Variants in RPRD1A observed in about 807,000 individuals in gnomAD.
RPRD1A encodes the protein regulation of nuclear pre-mRNA domain-containing protein 1A.
Under a neutral mutation model 37.8 loss-of-function variants are expected in RPRD1A, and 9 were observed. That is an observed-to-expected ratio of 0.24 (90% CI 0.14 to 0.42). The LOEUF is 0.42. Ranked by LOEUF, RPRD1A falls within the 10% of genes least tolerant of loss-of-function variation. The pLI is 1.00. For synonymous variants in RPRD1A, 138 were observed against 139.7 expected (o/e 0.99, Z 0.08); for missense variants, 255 against 371.0 (o/e 0.69, Z 2.57).
chr18:36,025,534 G>C, intron 6 of RPRD1A: 1 of 762,428 alleles, frequency 1.3e-6, no homozygotes, highest in South Asian at 1.6e-5. Context: ...AAGTGAGAAA[G>C]TATAAAGCAG....
intron 1 of RPRD1A, among the ~76,000 whole-genome samples, chr18:36,046,849 A>C (rs954623565): frequency 3.4e-4 from 52 of 150,896 alleles, no homozygotes; most frequent in Admixed American, 2.1e-3. Context: ...AAAAACCTAG[A>C]GTCTCATAAC....
At chr18:36,056,427 A>G (rs979826321) in intron 1 of RPRD1A, among the ~76,000 whole-genome samples, 13 of 152,020 alleles carry the variant, frequency 8.6e-5, no homozygotes, top group Non-Finnish European at 1.8e-4. Flanking sequence ...AGCTGGGATT[A>G]CAGGTGCCTG....
At chr18:36,023,358 G>T (rs761444636) in intron 6 of RPRD1A, among the ~76,000 whole-genome samples, 1 of 152,202 alleles carries the variant, frequency 6.6e-6, no homozygotes, top group South Asian at 2.1e-4. Flanking sequence ...TAGATCTGCT[G>T]CAAATAGCAA....
intron 6 of RPRD1A, among the ~76,000 whole-genome samples, chr18:36,004,572 C>A (rs1909623656): frequency 6.6e-6 from 1 of 152,080 alleles, no homozygotes; most frequent in African/African-American, 2.4e-5. Flanking sequence ...TTTTCGGTAA[C>A]CCACTGCTCC....
chr18:36,043,207 G>GGGGAA (rs1912718138), intron 1 of RPRD1A, among the ~76,000 whole-genome samples: 4 of 108,470 alleles, frequency 3.7e-5, no homozygotes, highest in African/African-American at 1.0e-4. Flanking sequence ...GGGGGGGGGG[G>GGGGAA]AAGAAGGGGA....
chr18:36,059,605 G>A (rs369671736), intron 1 of RPRD1A, among the ~76,000 whole-genome samples: 1 of 152,064 alleles, frequency 6.6e-6, no homozygotes, highest in African/African-American at 2.4e-5. Flanking sequence ...ATTTTTAAGA[G>A]TAAAGAGATC....
chr18:36,002,541 G>A (rs755117117), intron 6 of RPRD1A, among the ~76,000 whole-genome samples: 16 of 151,948 alleles, frequency 1.1e-4, no homozygotes, highest in Non-Finnish European at 5.9e-5. Context: ...TCCCAGTGTC[G>A]GTAATTTTTT....
intron 6 of RPRD1A, chr18:36,025,702 T>C (rs1911319068): frequency 8.1e-7 from 1 of 1,240,030 alleles, no homozygotes; most frequent in Non-Finnish European, 1.0e-6. Context: ...TCAATAGAAG[T>C]TAAAGAAACC....
chr18:35,994,195 A>G (rs988119902), intron 6 of RPRD1A, among the ~76,000 whole-genome samples: 1 of 152,240 alleles, frequency 6.6e-6, no homozygotes, highest in Non-Finnish European at 1.5e-5. Context: ...GTCCATGGCA[A>G]TTCACTATTA....
At chr18:36,049,483 A>T (rs1685662035) in intron 1 of RPRD1A, among the ~76,000 whole-genome samples, 1 of 152,154 alleles carries the variant, frequency 6.6e-6, no homozygotes, top group African/African-American at 2.4e-5. Context: ...TAAGGAAGAA[A>T]ATTCATGTAT....
At chr18:36,042,271 T>C (rs1287253743) in intron 1 of RPRD1A, among the ~76,000 whole-genome samples, 6 of 152,176 alleles carry the variant, frequency 3.9e-5, no homozygotes, top group Admixed American at 3.3e-4. Context: ...CTATGGCACA[T>C]CTACCCTAAC....
At chr18:36,019,902 T>C (rs1910876861) in intron 6 of RPRD1A, among the ~76,000 whole-genome samples, 1 of 152,092 alleles carries the variant, frequency 6.6e-6, no homozygotes. Flanking sequence ...TAGACAGCCG[T>C]GATGGCGCGC....
intron 6 of RPRD1A, among the ~76,000 whole-genome samples, chr18:36,021,252 T>G (rs1910974891): frequency 6.6e-6 from 1 of 152,168 alleles, no homozygotes; most frequent in South Asian, 2.1e-4. Context: ...ATAAGCTGAG[T>G]TTGTGGCAAC....
At chr18:36,008,078 A>G (rs1909864029) in intron 6 of RPRD1A, among the ~76,000 whole-genome samples, 1 of 152,088 alleles carries the variant, frequency 6.6e-6, no homozygotes, top group South Asian at 2.1e-4. Context: ...TATCTCTAGA[A>G]AAATACAAAT....
At chr18:36,002,812 G>A (rs1218602726) in intron 6 of RPRD1A, among the ~76,000 whole-genome samples, 3 of 152,126 alleles carry the variant, frequency 2.0e-5, no homozygotes, top group Non-Finnish European at 2.9e-5. Context: ...GTAATAGTGA[G>A]GTAAACAAGT....
rs182580213 is a variant in RPRD1A at position 36,018,746 on chromosome 18, T to C, written c.789+8154A>G. Among the ~76,000 whole-genome samples, 11 of 152,082 alleles carry C rather than the reference T, an allele frequency of 7.2e-5. 1 individual carries two copies. The East Asian group carries it at 1.9e-3, about 27-fold the overall frequency. The stretch of plus-strand genomic sequence containing the variant: ...CAGGTGCACATGAAAACTAAGTATA[T>C]AAAGTATTAATAGAAAGAATATGGA... On this transcript the variant is annotated intron_variant, in intron 6 of 6. Coordinates refer to ENST00000399022, the MANE Select transcript of RPRD1A (RefSeq NM_018170.5).
At chr18:36,051,261 T>C (rs1913370706) in intron 1 of RPRD1A, among the ~76,000 whole-genome samples, 2 of 152,338 alleles carry the variant, frequency 1.3e-5, no homozygotes, top group East Asian at 3.9e-4. Context: ...TAAGTAGTAG[T>C]ATCAAAATCA....
At chr18:36,007,208 C>G (rs1479034125) in intron 6 of RPRD1A, among the ~76,000 whole-genome samples, 1 of 152,202 alleles carries the variant, frequency 6.6e-6, no homozygotes, top group East Asian at 1.9e-4. Flanking sequence ...ACACAATACA[C>G]TGTTAATCCT....
intron 1 of RPRD1A, among the ~76,000 whole-genome samples, chr18:36,060,530 C>T (rs560043987): frequency 7.9e-5 from 12 of 152,292 alleles, no homozygotes; most frequent in South Asian, 2.1e-4. Context: ...TATTTTAGCA[C>T]ATCTTACAAG....
Sources: allele counts gnomAD v4.1 joint callset (sites outside exome capture counted in the v4.1 genomes callset), GRCh38; gene constraint gnomAD v4.1.1; transcripts MANE v1.5; gene names NCBI Gene and HGNC (gene_info 2026-07-23, HGNC 2026-07-21).